SAMSN1: variants seen among roughly 807,000 people sequenced by gnomAD.
SAMSN1 encodes the protein SAM domain-containing protein SAMSN-1.
A neutral mutation model predicts 42.0 loss-of-function variants in SAMSN1; 31 were observed. The observed-to-expected ratio is 0.74, with a 90% CI of 0.55 to 1.00. The LOEUF (loss-of-function observed/expected upper bound fraction) is 1.00. Among genes scored for constraint, SAMSN1 ranks in the 50% least tolerant of loss-of-function variants. SAMSN1 has a pLI of 0.00. For missense variants in SAMSN1, 464 were observed against 439.4 expected, an observed-to-expected ratio of 1.06 and a Z score of -0.50; for synonymous variants, 178 against 151.9, an observed-to-expected ratio of 1.17 and a Z score of -1.26.
chr21:14,651,846 C>T (rs1373896341), intron 1 of SAMSN1, among the ~76,000 whole-genome samples: 1 of 151,900 alleles, frequency 6.6e-6, no homozygotes, highest in African/African-American at 2.4e-5. Context: ...ACAATTTCAA[C>T]ATAAAATACC....
At position 14,512,500 on chromosome 21, in the gene SAMSN1, A is replaced by G. The variant is rs752632205; in HGVS notation, c.353T>C (p.Val118Ala). 2.5e-6 allele frequency: 4 copies of G among 1,613,594 alleles called. No homozygotes were observed. The highest frequency in any genetic ancestry group is 3.4e-6 in the Non-Finnish European group (4 of 1,179,688). ...CATGGAGTCACTGGCTTTGAGGGAC[A>G]CCTTCTCTGTGTGGGTCCCAATCAC... ...DPVIGTHTEK[V>A]SLKASDSMDS... Residue 118 changes from valine (V) to alanine (A), a missense_variant, in exon 4 of 8, where the codon GTG becomes GCG. Coordinates refer to ENST00000400566, the MANE Select transcript of SAMSN1 (RefSeq NM_022136.5).
At chr21:14,541,154 A>C in intron 1 of SAMSN1, among the ~76,000 whole-genome samples, 1 of 145,006 alleles carries the variant, frequency 6.9e-6, no homozygotes, top group East Asian at 2.1e-4. Context: ...GGGGGGAGGG[A>C]TAGCATTAAG....
intron 2 of SAMSN1, among the ~76,000 whole-genome samples, chr21:14,567,413 T>C (rs1164508265): frequency 1.3e-5 from 2 of 152,176 alleles, no homozygotes; most frequent in African/African-American, 2.4e-5. Flanking sequence ...AAAACCATTT[T>C]GTAAAATCTG....
At chr21:14,502,450 C>T (rs1274092753) in intron 5 of SAMSN1, among the ~76,000 whole-genome samples, 2 of 152,112 alleles carry the variant, frequency 1.3e-5, no homozygotes, top group Non-Finnish European at 2.9e-5. Context: ...TCCAGGAAAG[C>T]CCACAGGTCA....
chr21:14,650,549 G>A (rs1025298741), intron 1 of SAMSN1, among the ~76,000 whole-genome samples: 2 of 151,988 alleles, frequency 1.3e-5, no homozygotes, highest in Non-Finnish European at 2.9e-5. Context: ...TAAGAGGGAA[G>A]TTTATAGCAA....
upstream of SAMSN1, among the ~76,000 whole-genome samples, chr21:14,546,892 G>C (rs983423197): frequency 6.6e-6 from 1 of 151,936 alleles, no homozygotes; most frequent in Non-Finnish European, 1.5e-5. Context: ...TGTATTTTTA[G>C]TAGAGATGGG....
At position 14,575,021 on chromosome 21, in the gene SAMSN1, T is replaced by C. The variant is rs538707580; in HGVS notation, c.261+7115A>G. Among the ~76,000 whole-genome samples, 115 of 152,314 alleles carry C rather than the reference T, an allele frequency of 7.6e-4. 1 individual carries two copies. The South Asian group carries it at 0.011, about 15-fold the overall frequency. On this transcript the variant is annotated intron_variant, in intron 2 of 8. Coordinates refer to the SAMSN1 transcript ENST00000285670. Reference sequence around the variant, plus strand: ...TATTACTTATTCTTCCGTTTTACCGTTTTCTTTTAATAAGATCACGTAAAC... The same window carrying C: ...TATTACTTATTCTTCCGTTTTACCGCTTTCTTTTAATAAGATCACGTAAAC...
rs1365383537 is a variant in SAMSN1 at position 14,609,480 on chromosome 21, A to C, written c.322+2T>G. ...GTCAGCTGAACTAAATTTAGCAATT[A>C]CCTTTTAGCTGACAGGGCCTTCTGA... is the stretch of plus-strand genomic sequence containing the variant. On this transcript the variant is annotated splice_donor_variant, in intron 5 of 15. Coordinates refer to the SAMSN1 transcript ENST00000647101. LOFTEE classifies it high-confidence loss of function. 3 of 717,782 alleles carry C rather than the reference A, an allele frequency of 4.2e-6. No individual in the cohort carries two copies. The highest frequency in any genetic ancestry group is 7.8e-6 in the Non-Finnish European group (3 of 385,120). The allele number at this position is 717,782 out of a possible 1,614,324, so 44.5% of individuals were successfully genotyped here.
intron 2 of SAMSN1, among the ~76,000 whole-genome samples, chr21:14,638,573 G>T (rs1030714437): frequency 2.0e-5 from 3 of 152,092 alleles, no homozygotes; most frequent in African/African-American, 7.2e-5. Flanking sequence ...AAATATAAAA[G>T]CTATTTTTAG....
At chr21:14,576,928 T>G (rs943548097) in intron 2 of SAMSN1, among the ~76,000 whole-genome samples, 7 of 152,182 alleles carry the variant, frequency 4.6e-5, no homozygotes, top group Admixed American at 2.6e-4. Context: ...TGAAAGATCT[T>G]TTGTTACTGT....
At chr21:14,628,278 T>A (rs1983234386) in intron 2 of SAMSN1, among the ~76,000 whole-genome samples, 1 of 152,096 alleles carries the variant, frequency 6.6e-6, no homozygotes, top group African/African-American at 2.4e-5. Context: ...AAAATAAGGA[T>A]GTTGAGTGTT....
intron 2 of SAMSN1, among the ~76,000 whole-genome samples, chr21:14,630,718 C>G (rs140404654): frequency 7.4e-4 from 112 of 152,218 alleles, no homozygotes; most frequent in African/African-American, 2.6e-3. Context: ...ATTACACAAT[C>G]TCAAAGTCAA....
At chr21:14,647,095 CT>C (rs1437310786) in intron 1 of SAMSN1, among the ~76,000 whole-genome samples, 2 of 152,100 alleles carry the variant, frequency 1.3e-5, no homozygotes, top group Non-Finnish European at 2.9e-5. Flanking sequence ...TGTAAATGAA[CT>C]AAAATCTCCA....
intron 3 of SAMSN1, among the ~76,000 whole-genome samples, chr21:14,613,803 T>C (rs948600544): frequency 1.3e-5 from 2 of 151,958 alleles, no homozygotes; most frequent in African/African-American, 2.4e-5. Flanking sequence ...AACTTTTAAA[T>C]ATATATATAA....
intron 2 of SAMSN1, among the ~76,000 whole-genome samples, chr21:14,624,705 G>A (rs1269633571): frequency 1.2e-4 from 19 of 152,142 alleles, no homozygotes; most frequent in Non-Finnish European, 5.9e-5. Context: ...GGTAAAAGGA[G>A]GAGCTGGTAC....
intron 2 of SAMSN1, among the ~76,000 whole-genome samples, chr21:14,581,402 A>G (rs1376162131): frequency 9.3e-6 from 1 of 106,974 alleles, no homozygotes; most frequent in East Asian, 3.1e-4. Flanking sequence ...TCAGTCGCCC[A>G]GGCTGGAGGG....
rs1243671026 is a variant in SAMSN1, at chr21:14,486,245, A to C, written c.920-131T>G. 4 of 641,348 alleles carry C rather than the reference A, an allele frequency of 6.2e-6. No homozygotes were observed. In the Admixed American group the frequency reaches 1.1e-4, roughly 18 times the overall value. The allele number at this position is 641,348 out of a possible 1,614,324, so 39.7% of individuals were successfully genotyped here. A position where few individuals can be genotyped will look rare whatever the true frequency, so the allele number is the denominator to read the frequency against. ...ACTTCATTACAATGGAAAGTTCTGC[A>C]AGTAAAAGGTATCTTTGTTTATTAC... is the stretch of plus-strand genomic sequence containing the variant. On this transcript the variant is annotated intron_variant, in intron 7 of 7. Transcript: ENST00000400566.
exon 1 of SAMSN1, chr21:14,658,821 C>G: frequency 1.4e-6 from 1 of 714,464 alleles, no homozygotes; most frequent in Non-Finnish European, 2.6e-6. Flanking sequence ...ATATGATTGC[C>G]TCTTGTAGCT....
At chr21:14,574,375 A>G (rs1212359484) in intron 2 of SAMSN1, among the ~76,000 whole-genome samples, 1 of 152,238 alleles carries the variant, frequency 6.6e-6, no homozygotes, top group African/African-American at 2.4e-5. Flanking sequence ...ATTTTACTAT[A>G]AGGAATATCA....
Sources: gnomAD v4.1 joint callset for allele counts (sites outside exome capture counted in the v4.1 genomes callset) on GRCh38, gnomAD v4.1.1 for gene constraint, MANE v1.5 for transcripts, NCBI Gene and HGNC (gene_info 2026-07-23, HGNC 2026-07-21) for gene names.